The following LRGUK variants were observed in gnomAD, a reference collection of about 807,000 sequenced individuals.
LRGUK encodes leucine rich repeats and guanylate kinase domain containing, also known as leucine-rich repeat and guanylate kinase domain-containing protein.
A neutral mutation model predicts 76.0 loss-of-function variants in LRGUK; 65 were observed. The observed-to-expected ratio is 0.85, with a 90% CI of 0.70 to 1.05. The LOEUF (loss-of-function observed/expected upper bound fraction) is 1.05. LRGUK is among the 50% of genes least tolerant of loss of function. LRGUK has a pLI of 0.00. For missense variants in LRGUK, 758 were observed against 732.8 expected, an observed-to-expected ratio of 1.03 and a Z score of -0.40; for synonymous variants, 268 against 265.6, an observed-to-expected ratio of 1.01 and a Z score of -0.09.
At chr7:134,148,647 C>T (rs1312072653) in intron 5 of LRGUK, among the ~76,000 whole-genome samples, 1 of 152,130 alleles carries the variant, frequency 6.6e-6, no homozygotes, top group East Asian at 1.9e-4. Flanking sequence ...CTTTCTCAGT[C>T]GGGTGCGTTG....
chr7:134,158,422 G>A (rs190398355), intron 6 of LRGUK, among the ~76,000 whole-genome samples: 54 of 152,178 alleles, frequency 3.5e-4, no homozygotes, highest in African/African-American at 1.2e-3. Context: ...TAAATGATCA[G>A]CTTTTTTATA....
rs541218739 is a variant in LRGUK, at chr7:134,148,746, G to A, written c.670+427G>A. Among the ~76,000 whole-genome samples the A allele has an allele frequency of 1.1e-4, 16 of 152,054 alleles. No homozygotes were observed. In the South Asian group the frequency reaches 2.1e-3, roughly 20 times the overall value. ...TCAAGACCAGCCTGGCCAACATGGC[G>A]GAAACCCTGCCTCTACTAAAAATAC... On this transcript the variant is annotated intron_variant, in intron 5 of 15. Coordinates refer to ENST00000645682, the Ensembl canonical transcript of LRGUK.
rs747988207 is a variant in LRGUK at position 134,219,115 on chromosome 7, C to T, written c.1844-2664C>T. Among the ~76,000 whole-genome samples, 101 of 152,130 alleles carry T rather than the reference C, an allele frequency of 6.6e-4. 1 individual carries two copies. The highest frequency in any genetic ancestry group is 2.1e-4 in the Non-Finnish European group (14 of 68,002). ...AATTTAGATAGCTTGAATAAAATCA[C>T]ATTAAGAAAATTTGTCACATGGTAT... is the stretch of plus-strand genomic sequence containing the variant. On this transcript the variant is annotated intron_variant, in intron 15 of 19. Transcript: ENST00000285928.
intron 4 of LRGUK, among the ~76,000 whole-genome samples, chr7:134,147,001 A>G (rs1585433972): frequency 6.6e-6 from 1 of 152,178 alleles, no homozygotes; most frequent in East Asian, 1.9e-4. Context: ...GTTATTTAAT[A>G]TTGTTTTTTA....
At chr7:134,139,504 G>C in exon 3 of LRGUK, 3 of 1,599,214 alleles carry the variant, frequency 1.9e-6, no homozygotes, top group Non-Finnish European at 2.6e-6. Context: ...ATCTTTCAGC[G>C]AATAAAATTG....
At chr7:134,252,218 G>A (rs1350341786) in intron 18 of LRGUK, among the ~76,000 whole-genome samples, 2 of 151,692 alleles carry the variant, frequency 1.3e-5, no homozygotes, top group African/African-American at 2.4e-5. Flanking sequence ...TGTGCCTGTC[G>A]TCTCAGCTAC....
At position 134,209,055 on chromosome 7, in the gene LRGUK, T is replaced by C. The variant is rs1314055523; in HGVS notation, c.2192T>C (p.Ile731Thr). The change falls in exon 16 of 16, where the codon ATA becomes ACA. Residue 731 changes from isoleucine (I) to threonine (T), a missense_variant. Coordinates refer to ENST00000645682, the Ensembl canonical transcript of LRGUK. ...CAATCAGATCTTCCCCTAAAACAAA[T>C]AGCCACTGAGACAGATGTCCCTGAG... The C allele has an allele frequency of 1.5e-5, 6 of 399,058 alleles. No individual in the cohort carries two copies. In the South Asian group the frequency reaches 3.8e-4, roughly 25 times the overall value. 24.7% of individuals were successfully genotyped at this position (399,058 alleles called of 1,614,324 possible). A position where few individuals can be genotyped will look rare whatever the true frequency, so the allele number is the denominator to read the frequency against.
At chr7:134,264,735 C>T (rs552921634), downstream of LRGUK, 31 of 152,244 alleles carry the variant, frequency 2.0e-4, no homozygotes, top group African/African-American at 6.0e-4. Context: ...GCTGGTATTC[C>T]GCTAGTATGT....
intron 6 of LRGUK, among the ~76,000 whole-genome samples, chr7:134,159,222 G>A (rs2116916044): frequency 6.6e-6 from 1 of 151,834 alleles, no homozygotes; most frequent in African/African-American, 2.4e-5. Context: ...TGTAGTCCCA[G>A]CTACTTAGGA....
chr7:134,267,232 G>A (rs539502709), downstream of LRGUK, among the ~76,000 whole-genome samples: 9 of 152,264 alleles, frequency 5.9e-5, no homozygotes, highest in African/African-American at 1.9e-4. Flanking sequence ...GGACTACTAC[G>A]CAGCCATAAA....
At chr7:134,248,744 T>C (rs1034940100) in intron 17 of LRGUK, among the ~76,000 whole-genome samples, 8 of 152,200 alleles carry the variant, frequency 5.3e-5, no homozygotes, top group African/African-American at 1.9e-4. Flanking sequence ...CAATGAATAT[T>C]TACTTAACCT....
At chr7:134,257,737 G>C (rs1802620187) in intron 18 of LRGUK, among the ~76,000 whole-genome samples, 1 of 152,044 alleles carries the variant, frequency 6.6e-6, no homozygotes, top group African/African-American at 2.4e-5. Context: ...CCAGGAGGTG[G>C]AGGTTGCAGT....
intron 1 of LRGUK, among the ~76,000 whole-genome samples, chr7:134,132,086 G>A (rs759935146): frequency 5.3e-5 from 8 of 152,216 alleles, no homozygotes; most frequent in African/African-American, 1.2e-4. Flanking sequence ...AGTGGCTCAC[G>A]CCTGAAATCC....
chr7:134,231,526 TCCTTCCTC>T (rs1801891208), intron 16 of LRGUK, among the ~76,000 whole-genome samples: 2 of 138,970 alleles, frequency 1.4e-5, no homozygotes, highest in African/African-American at 2.7e-5. Flanking sequence ...CTCCCTTCCT[TCCTTCCTC>T]CCTTCCTCCC....
chr7:134,243,957 T>C (rs1443870858), intron 16 of LRGUK, among the ~76,000 whole-genome samples: 1 of 152,182 alleles, frequency 6.6e-6, no homozygotes, highest in African/African-American at 2.4e-5. Flanking sequence ...GGGGAAAGGA[T>C]TCCCTATTTA....
intron 18 of LRGUK, among the ~76,000 whole-genome samples, chr7:134,252,190 T>TAGCTGGGAATGGTGGTGTGTGCC (rs1802464267): frequency 6.7e-6 from 1 of 148,736 alleles, no homozygotes; most frequent in Non-Finnish European, 1.5e-5. Context: ...AAAAAAAAAG[T>TAGCTGGGAATGGTGGTGTGTGCC]AGCTGGGAAT....
At chr7:134,252,755 C>T (rs959963651) in intron 18 of LRGUK, among the ~76,000 whole-genome samples, 1 of 152,168 alleles carries the variant, frequency 6.6e-6, no homozygotes. Context: ...AAACATAATA[C>T]AGACAATGTG....
At chr7:134,171,026 C>A (rs1447354306) in intron 7 of LRGUK, among the ~76,000 whole-genome samples, 1 of 152,042 alleles carries the variant, frequency 6.6e-6, no homozygotes, top group South Asian at 2.1e-4. Flanking sequence ...TAAGATTCTA[C>A]TAAGATACAG....
chr7:134,197,172 T>C, intron 13 of LRGUK, 67 bp downstream of exon 13: 1 of 861,412 alleles, frequency 1.2e-6, no homozygotes, highest in East Asian at 2.4e-5. Flanking sequence ...TGTGTATGTG[T>C]GTGTGTGTGT....
Sources: allele counts gnomAD v4.1 joint callset (sites outside exome capture counted in the v4.1 genomes callset), GRCh38; gene constraint gnomAD v4.1.1; transcripts MANE v1.5; gene names NCBI Gene and HGNC (gene_info 2026-07-23, HGNC 2026-07-21).